SGCZ: variants seen among roughly 807,000 people sequenced by gnomAD.
The protein encoded by SGCZ is zeta-sarcoglycan.
Under a neutral mutation model 41.3 loss-of-function variants are expected in SGCZ, and 40 were observed. The ratio of observed to expected loss-of-function variants is 0.97; its 90% confidence interval spans 0.75 to 1.26. SGCZ has a LOEUF of 1.26. Ranked by LOEUF, SGCZ falls within the 50% of genes most tolerant of loss-of-function variation. SGCZ has a pLI of 0.00. For synonymous variants in SGCZ, 206 were observed against 137.5 expected, an observed-to-expected ratio of 1.50 and a Z score of -3.49; for missense variants, 552 against 369.8, an observed-to-expected ratio of 1.49 and a Z score of -4.04.
At chr8:14,897,949 C>T (rs1017420815) in intron 1 of SGCZ, among the ~76,000 whole-genome samples, 7 of 152,088 alleles carry the variant, frequency 4.6e-5, no homozygotes, top group African/African-American at 1.4e-4. Context: ...AGATGTATCC[C>T]CTACCCTAAT....
chr8:14,703,034 T>C (rs886508793), intron 1 of SGCZ, among the ~76,000 whole-genome samples: 1 of 151,960 alleles, frequency 6.6e-6, no homozygotes, highest in Admixed American at 6.6e-5. Context: ...ACTACCATCC[T>C]GAAGCAAGTT....
chr8:14,148,313 GA>G (rs1216034136), intron 5 of SGCZ, among the ~76,000 whole-genome samples: 1 of 151,446 alleles, frequency 6.6e-6, no homozygotes, highest in Non-Finnish European at 1.5e-5. Context: ...GCCAAACTAA[GA>G]AAAAAAGATA....
At chr8:14,553,602 G>A (rs1358134888) in intron 2 of SGCZ, among the ~76,000 whole-genome samples, 1 of 152,018 alleles carries the variant, frequency 6.6e-6, no homozygotes, top group Non-Finnish European at 1.5e-5. Context: ...TCTCTGGAAG[G>A]TTAAGCCACC....
chr8:14,208,292 G>A (rs1563186212), intron 4 of SGCZ, among the ~76,000 whole-genome samples: 1 of 152,130 alleles, frequency 6.6e-6, no homozygotes, highest in Non-Finnish European at 1.5e-5. Flanking sequence ...CTGAAACTGT[G>A]TTTATCAGTT....
intron 1 of SGCZ, among the ~76,000 whole-genome samples, chr8:15,100,648 G>A (rs901481399): frequency 3.6e-4 from 55 of 152,208 alleles, no homozygotes; most frequent in African/African-American, 1.3e-3. Context: ...ACACAATACT[G>A]AAGGAAAATA....
chr8:14,378,018 G>C (rs1804201180), intron 2 of SGCZ, among the ~76,000 whole-genome samples: 2 of 149,404 alleles, frequency 1.3e-5, no homozygotes, highest in Non-Finnish European at 3.0e-5. Flanking sequence ...ATAGCAGCAT[G>C]ATTTATAGTC....
chr8:14,783,853 T>C (rs1800666270), intron 1 of SGCZ, among the ~76,000 whole-genome samples: 1 of 152,184 alleles, frequency 6.6e-6, no homozygotes, highest in African/African-American at 2.4e-5. Context: ...CACTATGGAA[T>C]GCTAAAAAAT....
intron 1 of SGCZ, among the ~76,000 whole-genome samples, chr8:14,686,886 G>T (rs1510452): frequency 0.81 from 122,864 of 151,930 alleles, 50,407 homozygotes; most frequent in African/African-American, 0.94. Context: ...AGGGATAAAC[G>T]AACAAACCAT....
chr8:14,640,612 A>G (rs1221559681), intron 1 of SGCZ, among the ~76,000 whole-genome samples: 1 of 150,940 alleles, frequency 6.6e-6, no homozygotes, highest in Non-Finnish European at 1.5e-5. Flanking sequence ...CCACACATAT[A>G]TATATACACA....
At chr8:14,752,974 T>C (rs2130324376) in intron 1 of SGCZ, among the ~76,000 whole-genome samples, 1 of 152,254 alleles carries the variant, frequency 6.6e-6, no homozygotes, top group East Asian at 1.9e-4. Context: ...CTGTAATAGA[T>C]TCACCTCTCA....
chr8:14,339,963 T>A (rs1223107609), intron 2 of SGCZ, among the ~76,000 whole-genome samples: 2 of 152,106 alleles, frequency 1.3e-5, no homozygotes, highest in African/African-American at 2.4e-5. Flanking sequence ...AATTCAACAT[T>A]AATAGTAAAG....
At chr8:14,149,524 G>A (rs562847004) in intron 5 of SGCZ, among the ~76,000 whole-genome samples, 3 of 151,838 alleles carry the variant, frequency 2.0e-5, no homozygotes, top group Non-Finnish European at 2.9e-5. Flanking sequence ...TGAAAGGAAC[G>A]CCAAAAAATG....
intron 1 of SGCZ, among the ~76,000 whole-genome samples, chr8:15,087,383 G>A (rs1585549502): frequency 6.6e-6 from 1 of 152,070 alleles, no homozygotes; most frequent in South Asian, 2.1e-4. Context: ...ATCTACATAT[G>A]TGATGTTAAC....
intron 4 of SGCZ, among the ~76,000 whole-genome samples, chr8:14,205,221 A>G (rs752490115): frequency 6.6e-6 from 1 of 152,110 alleles, no homozygotes; most frequent in Non-Finnish European, 1.5e-5. Context: ...GCAGAGTACA[A>G]AATGACAGTT....
chr8:14,474,707 A>G (rs7841326), intron 2 of SGCZ, among the ~76,000 whole-genome samples: 14,039 of 152,250 alleles, frequency 0.092, 1,316 homozygotes, highest in African/African-American at 0.25. Context: ...ACCATACTCA[A>G]AAACTAAAAC....
chr8:14,222,071 C>G (rs114825850), intron 4 of SGCZ, among the ~76,000 whole-genome samples: 4,164 of 152,272 alleles, frequency 0.027, 70 homozygotes, highest in Middle Eastern at 0.071. Context: ...TTGCCACCAC[C>G]TACTGTAAGA....
chr8:14,884,003 A>C (rs1238723138), intron 1 of SGCZ, among the ~76,000 whole-genome samples: 1 of 152,120 alleles, frequency 6.6e-6, no homozygotes, highest in East Asian at 1.9e-4. Context: ...AGTAACAACA[A>C]ATTGAATTGT....
intron 1 of SGCZ, among the ~76,000 whole-genome samples, chr8:14,568,498 T>A (rs1468406768): frequency 6.6e-6 from 1 of 151,934 alleles, no homozygotes; most frequent in East Asian, 1.9e-4. Flanking sequence ...CTGAGACTTT[T>A]GGAGGATTTA....
Position 14,775,760 on chromosome 8 carries a change from G to A in SGCZ, c.40-220834C>T, listed in dbSNP as rs1195646227. Among the ~76,000 whole-genome samples the A allele has an allele frequency of 3.3e-5, 5 of 152,102 alleles. No homozygotes were observed. In the South Asian group the frequency reaches 8.3e-4, roughly 25 times the overall value. On this transcript the variant is annotated intron_variant, in intron 1 of 7. Transcript: ENST00000382080. ...GGAAATAAGGTTAATTTTCAAAAAGGTAAAAATTTTGAAATCAGAATTGGT... is the reference window on the plus strand; with the variant it reads ...GGAAATAAGGTTAATTTTCAAAAAGATAAAAATTTTGAAATCAGAATTGGT...
Sources: gnomAD v4.1 joint callset for allele counts (sites outside exome capture counted in the v4.1 genomes callset) on GRCh38, gnomAD v4.1.1 for gene constraint, MANE v1.5 for transcripts, NCBI Gene and HGNC (gene_info 2026-07-23, HGNC 2026-07-21) for gene names.